Variants in CIBAR2 observed in about 807,000 individuals in gnomAD.
The protein encoded by CIBAR2 is CBY1 interacting BAR domain containing 2.
A neutral mutation model predicts 36.2 loss-of-function variants in CIBAR2; 38 were observed. The observed-to-expected ratio is 1.05, with a 90% CI of 0.81 to 1.38. The LOEUF (loss-of-function observed/expected upper bound fraction) is 1.38. Ranked by LOEUF, CIBAR2 falls within the 40% of genes most tolerant of loss-of-function variation. CIBAR2 has a pLI of 0.00. For missense variants in CIBAR2, 481 were observed against 383.4 expected, an observed-to-expected ratio of 1.25 and a Z score of -2.13; for synonymous variants, 182 against 149.5, an observed-to-expected ratio of 1.22 and a Z score of -1.58.
At chr16:85,103,315 C>G (rs1468018282) in intron 6 of CIBAR2, among the ~76,000 whole-genome samples, 5 of 152,196 alleles carry the variant, frequency 3.3e-5, no homozygotes, top group Non-Finnish European at 7.3e-5. Context: ...ACTCCCCAGC[C>G]TCCAACACCG....
At chr16:85,101,137 GCCGTAGACC>G (rs2073952404) in intron 7 of CIBAR2, among the ~76,000 whole-genome samples, 1 of 152,200 alleles carries the variant, frequency 6.6e-6, no homozygotes, top group South Asian at 2.1e-4. Context: ...AGCCACTGTG[GCCGTAGACC>G]CCGAGGAAGA....
chr16:85,111,132 C>T (rs890473966), intron 1 of CIBAR2, among the ~76,000 whole-genome samples: 6 of 152,156 alleles, frequency 3.9e-5, no homozygotes, highest in Admixed American at 2.6e-4. Context: ...CTCACGCCCT[C>T]TCCTTTCCCT....
chr16:85,100,999 T>C (rs2073951229), intron 7 of CIBAR2, among the ~76,000 whole-genome samples: 1 of 150,384 alleles, frequency 6.6e-6, no homozygotes, highest in Admixed American at 6.6e-5. Flanking sequence ...TGAGCCGAGA[T>C]AGTGCCACTG....
At chr16:85,111,818 C>T (rs1423218241) in intron 1 of CIBAR2, among the ~76,000 whole-genome samples, 1 of 152,252 alleles carries the variant, frequency 6.6e-6, no homozygotes, top group Non-Finnish European at 1.5e-5. Context: ...CCACTGCACT[C>T]CAGCTTGGGC....
intron 6 of CIBAR2, among the ~76,000 whole-genome samples, chr16:85,102,899 C>G (rs992026809): frequency 8.6e-5 from 12 of 138,802 alleles, no homozygotes; most frequent in Non-Finnish European, 1.3e-4. Context: ...GATCTCTTCA[C>G]AGGAGGCTTT....
chr16:85,101,110 A>G (rs1258610528), intron 7 of CIBAR2, among the ~76,000 whole-genome samples: 1 of 151,612 alleles, frequency 6.6e-6, no homozygotes, highest in Non-Finnish European at 1.5e-5. Flanking sequence ...CCCAGGCCCC[A>G]TGGAAAAGCC....
At chr16:85,110,598 C>T (rs969659768) in intron 1 of CIBAR2, 138 bp from the exon 2 acceptor site, 12 of 607,004 alleles carry the variant, frequency 2.0e-5, no homozygotes, top group Non-Finnish European at 3.4e-5. Flanking sequence ...CACAGGCTGT[C>T]ACTCAAGGTG....
intron 5 of CIBAR2, among the ~76,000 whole-genome samples, chr16:85,107,163 G>A (rs965023247): frequency 2.0e-5 from 3 of 151,898 alleles, no homozygotes; most frequent in African/African-American, 7.3e-5. Flanking sequence ...AAAAGGGGGG[G>A]GGCACTCTTT....
chr16:85,108,908 C>G (rs1332805371), intron 2 of CIBAR2, among the ~76,000 whole-genome samples: 1 of 152,034 alleles, frequency 6.6e-6, no homozygotes, highest in African/African-American at 2.4e-5. Context: ...CTAAAGCAGC[C>G]TCTTGCCAAT....
intron 6 of CIBAR2, among the ~76,000 whole-genome samples, chr16:85,104,361 G>C (rs903090570): frequency 6.6e-6 from 1 of 152,218 alleles, no homozygotes; most frequent in South Asian, 2.1e-4. Context: ...TTAGAACAAG[G>C]GGAGCCACCA....
intron 8 of CIBAR2, 119 bp downstream of exon 8, chr16:85,100,020 C>T: frequency 2.7e-6 from 2 of 754,596 alleles, no homozygotes; most frequent in Non-Finnish European, 4.3e-6. Context: ...CCTCCTCAGC[C>T]TCCCATTTCA....
intron 5 of CIBAR2, among the ~76,000 whole-genome samples, chr16:85,106,602 C>G (rs556599086): frequency 6.6e-6 from 1 of 152,082 alleles, no homozygotes; most frequent in Non-Finnish European, 1.5e-5. Flanking sequence ...AAGGGATGTG[C>G]GTGGCCTCTG....
chr16:85,103,031 A>T (rs941685229), intron 6 of CIBAR2, among the ~76,000 whole-genome samples: 1 of 151,924 alleles, frequency 6.6e-6, no homozygotes, highest in African/African-American at 2.4e-5. Flanking sequence ...CCTCCTGAGT[A>T]GCTGGGATTA....
In CIBAR2 at chr16:85,102,215, A is replaced by T; in HGVS notation, c.650T>A (p.Leu217Gln). Residue 217 changes from leucine to glutamine, a missense_variant and splice_region_variant, in exon 7 of 9, where the codon CTG (leucine) becomes CAG (glutamine). Transcript: ENST00000539556. Reference sequence around the variant, plus strand: ...GGAAACGGGGTGTCTGTGACTCACCAGTAGATCCCTCTCCAGGTCATACTT... The same window carrying T: ...GGAAACGGGGTGTCTGTGACTCACCTGTAGATCCCTCTCCAGGTCATACTT... ...LEKYDLERDLLDFRAKMQGVY... is the reference protein window; with the variant it reads ...LEKYDLERDLQDFRAKMQGVY... The T allele has an allele frequency of 6.5e-7, 1 of 1,542,250 alleles. No individual in the cohort carries two copies. The highest frequency in any genetic ancestry group is 9.0e-7 in the Non-Finnish European group (1 of 1,114,352).
At chr16:85,110,668 C>T (rs1050877111) in intron 1 of CIBAR2, among the ~76,000 whole-genome samples, 16 of 147,282 alleles carry the variant, frequency 1.1e-4, no homozygotes, top group Non-Finnish European at 2.2e-4. Context: ...CAGTAGTGGG[C>T]AGGAATATAA....
At position 85,098,693 on chromosome 16, in the gene CIBAR2, T is replaced by C; in HGVS notation, c.*492A>G. ...GTGCTCTGAGCACTCTAAATAATAA[T>C]AATAATAAAACGACAGCAACATCAG... On this transcript the variant is annotated 3_prime_UTR_variant, in exon 9 of 9. Transcript: ENST00000539556. 1 of 925,302 alleles carries C rather than the reference T, an allele frequency of 1.1e-6. No homozygotes were observed. 57.3% of individuals were successfully genotyped at this position (925,302 alleles called of 1,614,324 possible).
chr16:85,100,019 C>A, intron 8 of CIBAR2, 120 bp downstream of exon 8: 1 of 746,568 alleles, frequency 1.3e-6, no homozygotes, highest in Non-Finnish European at 2.2e-6. Context: ...GCCTCCTCAG[C>A]CTCCCATTTC....
At position 85,102,258 on chromosome 16, in the gene CIBAR2, C is replaced by A; in HGVS notation, c.607G>T (p.Ala203Ser). ...HAKAVEVYSS[A>S]FQTLEKYDLE... is the part of the protein sequence containing the mutation. ...TCATACTTCTCCAGGGTCTGGAAGG[C>A]GCTAGAATACACCTCCACCGCTTTG... The change falls in exon 7 of 9, where the codon GCC (alanine) becomes TCC (serine). Residue 203 changes from alanine (A) to serine (S), a missense_variant. Transcript: ENST00000539556. 1 of 1,613,310 alleles carries A rather than the reference C, an allele frequency of 6.2e-7. No homozygotes were observed. Among genetic ancestry groups the A allele is most frequent in the Non-Finnish European group, 8.5e-7 (1 of 1,179,358 alleles).
chr16:85,100,508 T>C (rs1462446896), intron 7 of CIBAR2, among the ~76,000 whole-genome samples: 1 of 152,076 alleles, frequency 6.6e-6, no homozygotes, highest in Middle Eastern at 3.2e-3. Context: ...ACAGCAGGAT[T>C]CGAGATCCCC....
Sources: gnomAD v4.1 joint callset for allele counts (sites outside exome capture counted in the v4.1 genomes callset) on GRCh38, gnomAD v4.1.1 for gene constraint, MANE v1.5 for transcripts, NCBI Gene and HGNC (gene_info 2026-07-23, HGNC 2026-07-21) for gene names.